The following AKT2 variants were observed in gnomAD, a reference collection of about 807,000 sequenced individuals.
The protein encoded by AKT2 is AKT serine/threonine kinase 2, also known as RAC-beta serine/threonine-protein kinase.
Under a neutral mutation model 58.6 loss-of-function variants are expected in AKT2, and 16 were observed. The ratio of observed to expected loss-of-function variants is 0.27; its 90% CI spans 0.18 to 0.41. The LOEUF (loss-of-function observed/expected upper bound fraction) is 0.41. Ranked by LOEUF, AKT2 falls within the 10% of genes least tolerant of loss-of-function variation. AKT2 has a pLI of 1.00. For missense variants in AKT2, 438 were observed against 661.0 expected (o/e 0.66, Z 3.70); for synonymous variants, 253 against 254.0 (o/e 1.00, Z 0.04).
intron 2 of AKT2, among the ~76,000 whole-genome samples, chr19:40,260,485 C>A (rs1442756562): frequency 6.6e-6 from 1 of 151,694 alleles, no homozygotes; most frequent in Non-Finnish European, 1.5e-5. Context: ...TAAAAATTAG[C>A]CAGGCATGGT....
At position 40,234,097 on chromosome 19, in the gene AKT2, T is replaced by G; in HGVS notation, c.1367-146A>C. 1.2e-6 allele frequency: 1 copy of G among 814,760 alleles called. No homozygotes were observed. The allele number at this position is 814,760 out of a possible 1,614,324, so 50.5% of individuals were successfully genotyped here. ...GCCCATCCCTCCGCAATGGAGGCCCTCAGCCACGGACCCACTCCCCAAACC... is the reference window on the plus strand; with the variant it reads ...GCCCATCCCTCCGCAATGGAGGCCCGCAGCCACGGACCCACTCCCCAAACC... On this transcript the variant is annotated intron_variant, in intron 13 of 13. Transcript: ENST00000392038. This position sits in a 1 kb window ranked among gnomAD's most constrained non-coding sequence, Gnocchi z 4.7.
intron 7 of AKT2, chr19:40,239,232 C>A (rs112742583): frequency 1.1e-5 from 5 of 468,076 alleles, no homozygotes; most frequent in Admixed American, 7.2e-5. Context: ...CAAGGGAGAA[C>A]TAGAGCTGTT....
chr19:40,254,087 G>A (rs1452876524), intron 4 of AKT2, among the ~76,000 whole-genome samples: 1 of 151,990 alleles, frequency 6.6e-6, no homozygotes, highest in Non-Finnish European at 1.5e-5. Flanking sequence ...GATGGAAAGG[G>A]CAGGGTAGGG....
intron 4 of AKT2, among the ~76,000 whole-genome samples, chr19:40,252,889 G>A (rs57554707): frequency 0.015 from 2,299 of 152,164 alleles, 65 homozygotes; most frequent in African/African-American, 0.053. Context: ...TTCATGTTTT[G>A]GTCCATAGTT....
At chr19:40,262,366 T>G (rs1045550265) in intron 2 of AKT2, among the ~76,000 whole-genome samples, 1 of 152,118 alleles carries the variant, frequency 6.6e-6, no homozygotes, top group Non-Finnish European at 1.5e-5. Flanking sequence ...CCTTCCCAGC[T>G]GTTACCTGGG....
intron 4 of AKT2, among the ~76,000 whole-genome samples, chr19:40,245,366 A>G (rs1367004701): frequency 6.6e-6 from 1 of 152,204 alleles, no homozygotes; most frequent in Non-Finnish European, 1.5e-5. Context: ...TAAGAAGACC[A>G]CGCCTTTATA....
chr19:40,276,881 G>A (rs2077336200), intron 1 of AKT2, among the ~76,000 whole-genome samples: 1 of 152,126 alleles, frequency 6.6e-6, no homozygotes, highest in South Asian at 2.1e-4. Flanking sequence ...AAATTAGCCA[G>A]GTATGATGGT....
chr19:40,281,818 T>C (rs1482360685), intron 1 of AKT2, among the ~76,000 whole-genome samples: 2 of 152,228 alleles, frequency 1.3e-5, no homozygotes, highest in Non-Finnish European at 2.9e-5. Context: ...CGGGCACTGT[T>C]CTTAGTGAGG....
In AKT2 at chr19:40,260,014, G is replaced by T. The variant is rs535583025; in HGVS notation, c.47-2960C>A. Among the ~76,000 whole-genome samples, 9 of 152,142 alleles carry T rather than the reference G, an allele frequency of 5.9e-5. No individual in the cohort carries two copies. In the East Asian group the frequency reaches 1.6e-3, roughly 26 times the overall value. ...CTAAAAATACAAAAATTAGCCGGGC[G>T]TGGTGGCACATGCCTATAGTCCCAG... On this transcript the variant is annotated intron_variant, in intron 2 of 13. Transcript: ENST00000392038.
rs949832116 is a variant in AKT2, at chr19:40,234,733, C to G, written c.1366+312G>C. ...GTGCTGTGTCCCCAGCATAGCCCAGCCCTGGGCTGAGTTCAGAGTAAGAAC... is the reference window on the plus strand; with the variant it reads ...GTGCTGTGTCCCCAGCATAGCCCAGGCCTGGGCTGAGTTCAGAGTAAGAAC... On this transcript the variant is annotated intron_variant, in intron 13 of 13. Transcript: ENST00000392038. This position sits in a 1 kb window ranked among gnomAD's most constrained non-coding sequence, Gnocchi z 4.7. 18 of 603,934 alleles carry G rather than the reference C, an allele frequency of 3.0e-5. No homozygotes were observed. Among genetic ancestry groups the G allele is most frequent in the Non-Finnish European group, 5.0e-5 (17 of 339,954 alleles). The allele number at this position is 603,934 out of a possible 1,614,324, so 37.4% of individuals were successfully genotyped here. A position where few individuals can be genotyped will look rare whatever the true frequency, so the allele number is the denominator to read the frequency against.
chr19:40,282,360 G>A (rs923340989), intron 1 of AKT2: 17 of 403,802 alleles, frequency 4.2e-5, no homozygotes, highest in East Asian at 2.1e-4. Context: ...CGACTTCACC[G>A]TCCTGCTGCT....
chr19:40,268,110 G>A (rs895926784), intron 1 of AKT2, among the ~76,000 whole-genome samples: 4 of 150,604 alleles, frequency 2.7e-5, no homozygotes, highest in Non-Finnish European at 4.4e-5. Flanking sequence ...TCCCCTACAC[G>A]GACCTACACC....
At chr19:40,259,292 T>C (rs1483507593) in intron 2 of AKT2, among the ~76,000 whole-genome samples, 2 of 148,592 alleles carry the variant, frequency 1.3e-5, no homozygotes, top group Non-Finnish European at 3.0e-5. Flanking sequence ...CCATAGGCAA[T>C]GTGCCCAGAG....
rs1302715414 is a variant in AKT2 at position 40,255,247 on chromosome 19, C to G, written c.198G>C (p.Glu66Asp). 1.9e-6 allele frequency: 3 copies of G among 1,614,056 alleles called. No homozygotes were observed. The highest frequency in any genetic ancestry group is 2.5e-6 in the Non-Finnish European group (3 of 1,179,918). ...SVAECQLMKT[E>D]RPRPNTFVIR... ...TGACAAAGGTGTTGGGTCGCGGCCTCTCGGTCTTCATCAGCTGGCATTCTG... is the reference window on the plus strand; with the variant it reads ...TGACAAAGGTGTTGGGTCGCGGCCTGTCGGTCTTCATCAGCTGGCATTCTG... The change falls in exon 4 of 14, where the codon GAG becomes GAC. Residue 66 changes from glutamate to aspartate, a missense_variant. Physicochemically the swap from Glu to Asp is conservative, Grantham distance 45 (BLOSUM62 2). Around this residue, in one of 3 missense-constraint regions of AKT2, gnomAD observed 244 missense variants for 347.1 expected, o/e 0.70. Coordinates refer to ENST00000392038, the MANE Select transcript of AKT2 (RefSeq NM_001626.6).
In AKT2 at chr19:40,232,999, C is replaced by T. The variant is rs1416973123; in HGVS notation, c.*873G>A. The T allele has an allele frequency of 4.3e-6, 1 of 232,318 alleles. No individual in the cohort carries two copies. The highest frequency in any genetic ancestry group is 5.6e-5 in the Admixed American group (1 of 17,764). The allele number at this position is 232,318 out of a possible 1,614,324, so 14.4% of individuals were successfully genotyped here. On this transcript the variant is annotated 3_prime_UTR_variant, in exon 14 of 14. Coordinates refer to ENST00000392038, the MANE Select transcript of AKT2 (RefSeq NM_001626.6). ...CTGTCCGGTGTAAGATTGTAACAGC[C>T]AAGGCTGGTGGCCCTCCACCCCCGC...
chr19:40,257,077 G>A (rs1221017954), intron 2 of AKT2, 23 bp from the exon 3 acceptor site: 3 of 1,613,452 alleles, frequency 1.9e-6, no homozygotes, highest in African/African-American at 2.7e-5. Context: ...AGGAAGGGAG[G>A]GAGAGAGGTT....
intron 4 of AKT2, chr19:40,244,054 T>A (rs868482865): frequency 3.6e-5 from 2 of 55,306 alleles, no homozygotes; most frequent in Non-Finnish European, 6.6e-5. Flanking sequence ...AAAATAATAA[T>A]AAAATAATAA....
Position 40,237,898 on chromosome 19 carries a change from C to T in AKT2, c.831+71G>A. 1 of 1,599,752 alleles carries T rather than the reference C, an allele frequency of 6.3e-7. No homozygotes were observed. Among genetic ancestry groups the T allele is most frequent in the Non-Finnish European group, 8.5e-7 (1 of 1,174,444 alleles). The stretch of plus-strand genomic sequence containing the variant: ...GGCGAATGAGGGCAGAAGCTCAGCC[C>T]AACTTCCCCAGTGTGAGTCCCATGT... On this transcript the variant is annotated intron_variant, in intron 9 of 13. Coordinates refer to ENST00000392038, the MANE Select transcript of AKT2 (RefSeq NM_001626.6). The surrounding 1 kb of genome is among the most constrained non-coding windows in gnomAD (Gnocchi z 4.5).
rs766732501 is a variant in AKT2 at position 40,235,449 on chromosome 19, CT to C, written c.1176-100del. 6.6e-6 allele frequency: 7 copies of C among 1,055,266 alleles called. No homozygotes were observed. Among genetic ancestry groups the C allele is most frequent in the Non-Finnish European group, 1.0e-5 (7 of 693,450 alleles). 65.4% of individuals were successfully genotyped at this position (1,055,266 alleles called of 1,614,324 possible). Reference sequence around the variant, plus strand: ...AGGCCCTGTATGGCCCTTAATGATTCTGTCTTGACCACAAACCACTTCACAG... The same window carrying C: ...AGGCCCTGTATGGCCCTTAATGATTCGTCTTGACCACAAACCACTTCACAG... On this transcript the variant is annotated intron_variant, in intron 11 of 13. Coordinates refer to ENST00000392038, the MANE Select transcript of AKT2 (RefSeq NM_001626.6). The surrounding 1 kb of genome is among the most constrained non-coding windows in gnomAD (Gnocchi z 6.3).
Sources: allele counts gnomAD v4.1 joint callset (sites outside exome capture counted in the v4.1 genomes callset), GRCh38; gene constraint gnomAD v4.1.1; regional missense constraint gnomAD v4.1.1; non-coding constraint Gnocchi (gnomAD v3.1); transcripts MANE v1.5; gene names NCBI Gene and HGNC (gene_info 2026-07-23, HGNC 2026-07-21).